The following NPAS2 variants were observed in gnomAD, a reference collection of about 807,000 sequenced individuals.
NPAS2 encodes the protein neuronal PAS domain protein 2, also known as neuronal PAS domain-containing protein 2.
A neutral mutation model predicts 107.5 loss-of-function variants in NPAS2; 23 were observed. That is an observed-to-expected ratio of 0.21 (90% CI 0.15 to 0.30). NPAS2 has a LOEUF of 0.30. NPAS2 is among the 10% of genes least tolerant of loss of function. The pLI, the probability that NPAS2 is intolerant of heterozygous loss-of-function variation, is 1.00. For synonymous variants in NPAS2, 403 were observed against 417.5 expected (o/e 0.97, Z 0.42); for missense variants, 756 against 1,043.3 (o/e 0.72, Z 3.79).
chr2:100,941,515 A>T (rs1674573898), intron 5 of NPAS2, among the ~76,000 whole-genome samples: 2 of 152,146 alleles, frequency 1.3e-5, no homozygotes, highest in Admixed American at 6.5e-5. Flanking sequence ...GTGAGCCAAG[A>T]TCACGCCACT....
At chr2:100,971,569 C>G (rs1000266255) in intron 12 of NPAS2, among the ~76,000 whole-genome samples, 7 of 152,218 alleles carry the variant, frequency 4.6e-5, no homozygotes, top group Admixed American at 4.6e-4. Flanking sequence ...ACGCCACTCT[C>G]CCTGTCACCT....
intron 2 of NPAS2, among the ~76,000 whole-genome samples, chr2:100,915,347 C>CCAACGGAA (rs1682815584): frequency 6.6e-6 from 1 of 152,138 alleles, no homozygotes; most frequent in Admixed American, 6.5e-5. Context: ...ATAAATAGAG[C>CCAACGGAA]CAGCTTTCTG....
chr2:100,905,421 A>G (rs1464023825), intron 2 of NPAS2, among the ~76,000 whole-genome samples: 1 of 151,520 alleles, frequency 6.6e-6, no homozygotes, highest in Admixed American at 6.6e-5. Flanking sequence ...AATGCCTACT[A>G]GATATGCAGT....
chr2:100,867,096 G>A (rs941555286), intron 1 of NPAS2, among the ~76,000 whole-genome samples: 8 of 152,198 alleles, frequency 5.3e-5, no homozygotes. Flanking sequence ...ATAGTCTACT[G>A]TGACCTAAAA....
chr2:100,981,188 C>G (rs906811161), intron 15 of NPAS2, among the ~76,000 whole-genome samples: 5 of 152,108 alleles, frequency 3.3e-5, no homozygotes, highest in Admixed American at 3.3e-4. Flanking sequence ...TCTGGGAGGT[C>G]AAAGGGCAGA....
At chr2:100,851,506 C>T (rs763859750) in intron 1 of NPAS2, among the ~76,000 whole-genome samples, 94 of 152,320 alleles carry the variant, frequency 6.2e-4, no homozygotes, top group Non-Finnish European at 6.3e-4. Context: ...CAAGGAAAGG[C>T]TTTACTAACC....
At chr2:100,852,826 G>A (rs913266162) in intron 1 of NPAS2, among the ~76,000 whole-genome samples, 3 of 152,034 alleles carry the variant, frequency 2.0e-5, no homozygotes, top group East Asian at 1.9e-4. Context: ...CACCAGACTC[G>A]GTAGGTTAGC....
intron 3 of NPAS2, among the ~76,000 whole-genome samples, chr2:100,928,391 G>A (rs1018528775): frequency 6.6e-6 from 1 of 151,952 alleles, no homozygotes; most frequent in African/African-American, 2.4e-5. Context: ...CATTGCCACC[G>A]AGAAGCAGGA....
At chr2:100,943,441 G>A (rs1674700982) in intron 5 of NPAS2, among the ~76,000 whole-genome samples, 1 of 152,142 alleles carries the variant, frequency 6.6e-6, no homozygotes, top group Non-Finnish European at 1.5e-5. Context: ...CACAAGTTGT[G>A]GGCAGGTATT....
At chr2:100,944,869 AC>A (rs1339347018) in intron 5 of NPAS2, among the ~76,000 whole-genome samples, 1 of 152,054 alleles carries the variant, frequency 6.6e-6, no homozygotes, top group African/African-American at 2.4e-5. Flanking sequence ...CACACAGGTG[AC>A]CCGGCCAGGC....
intron 7 of NPAS2, among the ~76,000 whole-genome samples, chr2:100,959,065 C>T (rs899101528): frequency 8.7e-6 from 1 of 114,304 alleles, no homozygotes; most frequent in Non-Finnish European, 1.7e-5. Flanking sequence ...CCAGCCTGGG[C>T]AACATGGTGA....
At chr2:100,859,404 A>G (rs1049607497) in intron 1 of NPAS2, among the ~76,000 whole-genome samples, 5 of 152,238 alleles carry the variant, frequency 3.3e-5, no homozygotes, top group African/African-American at 1.2e-4. Flanking sequence ...AAGTGAGGAA[A>G]ACAAGTCAAA....
At chr2:100,867,740 T>C (rs1490450658) in intron 1 of NPAS2, among the ~76,000 whole-genome samples, 1 of 152,222 alleles carries the variant, frequency 6.6e-6, no homozygotes, top group East Asian at 1.9e-4. Flanking sequence ...GGTGTCACTT[T>C]GTTGCTCAGG....
chr2:100,955,441 C>G (rs1440917637), intron 7 of NPAS2, among the ~76,000 whole-genome samples: 1 of 152,158 alleles, frequency 6.6e-6, no homozygotes, highest in East Asian at 1.9e-4. Context: ...CGGGACACAG[C>G]TGGTGGAGGG....
rs1374161444 is a variant in NPAS2, at chr2:100,988,808, G to A, written c.1827+532G>A. On this transcript the variant is annotated intron_variant, in intron 17 of 20. Coordinates refer to ENST00000335681, the MANE Select transcript of NPAS2 (RefSeq NM_002518.4). Reference sequence around the variant, plus strand: ...CTCCAGGCCCCCATTGCTCCTCCAGGTCTCCCTGCTCCTCCAGGTCCCCCT... The same window carrying A: ...CTCCAGGCCCCCATTGCTCCTCCAGATCTCCCTGCTCCTCCAGGTCCCCCT... 4 of 168,944 alleles carry A rather than the reference G, an allele frequency of 2.4e-5. No homozygotes were observed. In the Admixed American group the frequency reaches 4.2e-4, roughly 18 times the overall value. The allele number at this position is 168,944 out of a possible 1,614,324, so 10.5% of individuals were successfully genotyped here. A position where few individuals can be genotyped will look rare whatever the true frequency, so the allele number is the denominator to read the frequency against.
intron 1 of NPAS2, among the ~76,000 whole-genome samples, chr2:100,882,585 C>A (rs1232503923): frequency 6.6e-6 from 1 of 152,166 alleles, no homozygotes; most frequent in East Asian, 1.9e-4. Flanking sequence ...TGCGCTCCAG[C>A]CTGGGAGACA....
intron 1 of NPAS2, among the ~76,000 whole-genome samples, chr2:100,851,118 G>A (rs538799430): frequency 2.6e-5 from 4 of 152,048 alleles, no homozygotes; most frequent in East Asian, 3.9e-4. Context: ...ATCCAAAGAC[G>A]GGAAGTAGAA....
At chr2:100,843,258 C>T (rs1490235907) in intron 1 of NPAS2, among the ~76,000 whole-genome samples, 2 of 152,036 alleles carry the variant, frequency 1.3e-5, no homozygotes, top group African/African-American at 4.8e-5. Context: ...CTGGTGTCCC[C>T]ACTTTTGGTC....
At chr2:100,864,298 T>G (rs1040510370) in intron 1 of NPAS2, among the ~76,000 whole-genome samples, 4 of 152,228 alleles carry the variant, frequency 2.6e-5, no homozygotes, top group Non-Finnish European at 5.9e-5. Context: ...CCAAATTACC[T>G]TAAGTTCTAG....
Sources: gnomAD v4.1 joint callset for allele counts (sites outside exome capture counted in the v4.1 genomes callset) on GRCh38, gnomAD v4.1.1 for gene constraint, MANE v1.5 for transcripts, NCBI Gene and HGNC (gene_info 2026-07-23, HGNC 2026-07-21) for gene names.